The following HBM variants were observed in gnomAD, a reference collection of about 807,000 sequenced individuals.
The protein encoded by HBM is alpha globin pseudogene 2.
In HBM, 9 loss-of-function variants were observed where a neutral mutation model predicts 12.8. The ratio of observed to expected loss-of-function variants is 0.70; its 90% CI spans 0.42 to 1.23. HBM has a LOEUF of 1.23. Among genes scored for constraint, HBM ranks in the 50% most tolerant of loss-of-function variants. The pLI is 0.00. For missense variants in HBM, 214 were observed against 195.4 expected, an observed-to-expected ratio of 1.10 and a Z score of -0.57; for synonymous variants, 100 against 92.0, an observed-to-expected ratio of 1.09 and a Z score of -0.50.
chr16:166,304 C>T lies in HBM; in HGVS notation c.129C>T (p.Phe43=). ...TGTACCCCAGCACCAAGGTCTACTT[C>T]CCGCACCTGAGCGCCTGCCAGGACG... ...FTVYPSTKVY[F]PHLSACQDAT... is the part of the protein sequence containing the mutation. Residue 43 remains phenylalanine, a synonymous_variant, in exon 2 of 3, where the codon TTC becomes TTT. Transcript: ENST00000356815. 6.3e-7 allele frequency: 1 copy of T among 1,595,796 alleles called. No homozygotes were observed.
intron 1 of HBM, 58 bp downstream of exon 1, chr16:166,147 C>T: frequency 6.7e-7 from 1 of 1,489,446 alleles, no homozygotes; most frequent in Non-Finnish European, 9.1e-7. Context: ...GTTTTGGGCG[C>T]GTGGGCCGCC....
At chr16:166,147 C>A in intron 1 of HBM, 58 bp downstream of exon 1, 1 of 1,489,440 alleles carries the variant, frequency 6.7e-7, no homozygotes, top group Non-Finnish European at 9.1e-7. Context: ...GTTTTGGGCG[C>A]GTGGGCCGCC....
chr16:166,601 G>C lies in HBM; in HGVS notation c.319G>C (p.Val107Leu). 1 of 1,613,848 alleles carries C rather than the reference G, an allele frequency of 6.2e-7. No individual in the cohort carries two copies. Among genetic ancestry groups the C allele is most frequent in the Non-Finnish European group, 8.5e-7 (1 of 1,179,924 alleles). The change falls in exon 3 of 3, where the codon GTC becomes CTC. Residue 107 changes from valine to leucine, a missense_variant. Transcript: ENST00000356815. ...GCAGCTGCTAATCCAGTGTTTCCAC[G>C]TCGTGCTGGCCTCCCACCTGCAGGA... The part of the protein sequence containing the change: ...NFPLLIQCFH[V>L]VLASHLQDEF...
In HBM at chr16:166,417, G is replaced by C; in HGVS notation, c.242G>C (p.Ser81Thr). 5 of 1,554,782 alleles carry C rather than the reference G, an allele frequency of 3.2e-6. No individual in the cohort carries two copies. The change falls in exon 2 of 3, where the codon AGC becomes ACC. Residue 81 changes from serine to threonine, a missense_variant. Coordinates refer to ENST00000356815, the MANE Select transcript of HBM (RefSeq NM_001003938.4). ...QHVDNLRAAL[S>T]PLADLHALVL... ...GTGGACAACCTGCGCGCCGCGCTGA[G>C]CCCGCTGGCGGACCTGCACGCGCTC...
rs1022010740 is a variant in HBM at position 166,750 on chromosome 16, C to G, written c.*42C>G. ...GCCTTGGTCTGTGCCTGTCAATAAA[C>G]AGAGGCCCGAACCATCTGCCCCTGC... is the stretch of plus-strand genomic sequence containing the variant. On this transcript the variant is annotated 3_prime_UTR_variant, in exon 3 of 3. Transcript: ENST00000356815. 4 of 1,608,288 alleles carry G rather than the reference C, an allele frequency of 2.5e-6. No homozygotes were observed. Among genetic ancestry groups the G allele is most frequent in the South Asian group, 2.2e-5 (2 of 90,158 alleles).
Position 166,694 on chromosome 16 carries a change from G to T in HBM, c.412G>T (p.Glu138Ter). The T allele has an allele frequency of 6.2e-7, 1 of 1,614,080 alleles. No individual in the cohort carries two copies. The change falls in exon 3 of 3, where the codon GAA becomes TAA. Residue 138 changes from glutamate to a stop codon, truncating the protein, a stop_gained. Transcript: ENST00000356815. LOFTEE classifies it high-confidence loss of function. ...GACTGGTGTGGCCGTGGTGCTGACC[G>T]AAAAATACCGCTGAGCCCTGTGCTG... ...FLTGVAVVLT[E>*]KYR
In HBM at chr16:166,306, C is replaced by G; in HGVS notation, c.131C>G (p.Pro44Arg). Residue 44 changes from proline to arginine, a missense_variant, in exon 2 of 3, where the codon CCG (proline) becomes CGG (arginine). By Grantham distance (103) the Pro-to-Arg change is moderately radical. Coordinates refer to ENST00000356815, the MANE Select transcript of HBM (RefSeq NM_001003938.4). ...TACCCCAGCACCAAGGTCTACTTCC[C>G]GCACCTGAGCGCCTGCCAGGACGCG... ...TVYPSTKVYF[P>R]HLSACQDATQ... is the part of the protein sequence containing the mutation. 1 of 1,595,528 alleles carries G rather than the reference C, an allele frequency of 6.3e-7. No homozygotes were observed. The highest frequency in any genetic ancestry group is 8.5e-7 in the Non-Finnish European group (1 of 1,178,724).
chr16:166,543 G>C (rs745757790), intron 2 of HBM, 37 bp from the exon 3 acceptor site: 1 of 1,604,760 alleles, frequency 6.2e-7, no homozygotes, highest in South Asian at 1.1e-5. Context: ...GGTCCCTAGC[G>C]GGGCAGACCC....
Position 166,012 on chromosome 16 carries a change from G to A in HBM, c.15G>A (p.Gln5=), listed in dbSNP as rs759235420. 8.2e-6 allele frequency: 13 copies of A among 1,590,148 alleles called. No individual in the cohort carries two copies. In the South Asian group the frequency reaches 1.5e-4, roughly 18 times the overall value. MLSA[Q]ERAQIAQVWD... ...CAGGCGGCGCCATGCTCAGCGCCCA[G>A]GAGCGCGCCCAAATCGCGCAGGTCT... is the stretch of plus-strand genomic sequence containing the variant. Residue 5 remains glutamine (Q), a synonymous_variant, in exon 1 of 3, where the codon CAG becomes CAA. Coordinates refer to ENST00000356815, the MANE Select transcript of HBM (RefSeq NM_001003938.4).
chr16:166,350 G>T lies in HBM; in HGVS notation c.175G>T (p.Gly59Trp), dbSNP rs750993297. 79 of 1,592,774 alleles carry T rather than the reference G, an allele frequency of 5.0e-5. No individual in the cohort carries two copies. Among genetic ancestry groups the T allele is most frequent in the Non-Finnish European group, 6.5e-5 (76 of 1,177,546 alleles). ...CQDATQLLSHGQRMLAAVGAA... is the reference protein window; with the variant it reads ...CQDATQLLSHWQRMLAAVGAA... ...GGACGCGACGCAGCTGCTGAGCCACGGGCAGCGCATGCTGGCGGCTGTGGG... is the reference window on the plus strand; with the variant it reads ...GGACGCGACGCAGCTGCTGAGCCACTGGCAGCGCATGCTGGCGGCTGTGGG... Residue 59 changes from glycine (G) to tryptophan (W), a missense_variant, in exon 2 of 3, where the codon GGG (glycine) becomes TGG (tryptophan). Gly to Trp is a radical substitution (Grantham distance 184, BLOSUM62 -2). Coordinates refer to ENST00000356815, the MANE Select transcript of HBM (RefSeq NM_001003938.4).
At position 166,400 on chromosome 16, in the gene HBM, C is replaced by A. The variant is rs767687114; in HGVS notation, c.225C>A (p.Asn75Lys). 2 of 1,565,372 alleles carry A rather than the reference C, an allele frequency of 1.3e-6. No homozygotes were observed. Among genetic ancestry groups the A allele is most frequent in the Non-Finnish European group, 1.7e-6 (2 of 1,163,548 alleles). ...AVGAAVQHVD[N>K]LRAALSPLAD... ...GCGCGGCGGTGCAGCACGTGGACAA[C>A]CTGCGCGCCGCGCTGAGCCCGCTGG... Residue 75 changes from asparagine (N) to lysine (K), a missense_variant, in exon 2 of 3, where the codon AAC becomes AAA. Coordinates refer to ENST00000356815, the MANE Select transcript of HBM (RefSeq NM_001003938.4).
intron 1 of HBM, 67 bp downstream of exon 1, chr16:166,156 C>A: frequency 6.8e-7 from 1 of 1,471,492 alleles, no homozygotes; most frequent in Non-Finnish European, 9.2e-7. Flanking sequence ...GCGTGGGCCG[C>A]CAACGCCATC....
chr16:166,055 C>A lies in HBM; in HGVS notation c.58C>A (p.His20Asn). 6.2e-7 allele frequency: 1 copy of A among 1,603,288 alleles called. No individual in the cohort carries two copies. The highest frequency in any genetic ancestry group is 8.5e-7 in the Non-Finnish European group (1 of 1,176,258). ...IAQVWDLIAG[H>N]EAQFGAELLL... ...GCAGGTCTGGGACCTGATTGCGGGCCACGAGGCGCAATTCGGGGCGGAGCT... is the reference window on the plus strand; with the variant it reads ...GCAGGTCTGGGACCTGATTGCGGGCAACGAGGCGCAATTCGGGGCGGAGCT... Residue 20 changes from histidine to asparagine, a missense_variant, in exon 1 of 3, where the codon CAC becomes AAC. Transcript: ENST00000356815.
rs536488812 is a variant in HBM at position 166,059 on chromosome 16, A to G, written c.62A>G (p.Glu21Gly). The stretch of plus-strand genomic sequence containing the variant: ...GTCTGGGACCTGATTGCGGGCCACG[A>G]GGCGCAATTCGGGGCGGAGCTGCTG... The part of the protein sequence containing the change: ...AQVWDLIAGH[E>G]AQFGAELLLR... The change falls in exon 1 of 3, where the codon GAG (glutamate) becomes GGG (glycine). Residue 21 changes from glutamate (E) to glycine (G), a missense_variant. Physicochemically the swap from Glu to Gly is moderately conservative, Grantham distance 98. Transcript: ENST00000356815. 4 of 1,603,744 alleles carry G rather than the reference A, an allele frequency of 2.5e-6. No homozygotes were observed. The African/African-American group carries it at 4.0e-5, about 16-fold the overall frequency.
intron 2 of HBM, 26 bp from the exon 3 acceptor site, chr16:166,554 C>T (rs1016763664): frequency 3.2e-5 from 51 of 1,608,846 alleles, no homozygotes; most frequent in Non-Finnish European, 4.2e-5. Context: ...GGGCAGACCC[C>T]GTCTCACCGG....
chr16:166,093 G>C lies in HBM; in HGVS notation c.92+4G>C. On this transcript the variant is annotated splice_donor_region_variant and intron_variant, in intron 1 of 2. Coordinates refer to ENST00000356815, the MANE Select transcript of HBM (RefSeq NM_001003938.4). ...TCGGGGCGGAGCTGCTGCTCAGGTC[G>C]GTAGAGGCGGGGTCTCCGGGAGCTC... 6.3e-7 allele frequency: 1 copy of C among 1,595,354 alleles called. No individual in the cohort carries two copies. Among genetic ancestry groups the C allele is most frequent in the Non-Finnish European group, 8.5e-7 (1 of 1,169,772 alleles).
At position 166,019 on chromosome 16, in the gene HBM, G is replaced by C. The variant is rs1180772469; in HGVS notation, c.22G>C (p.Ala8Pro). Residue 8 changes from alanine (A) to proline (P), a missense_variant, in exon 1 of 3, where the codon GCC becomes CCC. Transcript: ENST00000356815. MLSAQER[A>P]QIAQVWDLIA... Reference sequence around the variant, plus strand: ...CGCCATGCTCAGCGCCCAGGAGCGCGCCCAAATCGCGCAGGTCTGGGACCT... The same window carrying C: ...CGCCATGCTCAGCGCCCAGGAGCGCCCCCAAATCGCGCAGGTCTGGGACCT... 6.3e-7 allele frequency: 1 copy of C among 1,593,128 alleles called. No homozygotes were observed. Among genetic ancestry groups the C allele is most frequent in the South Asian group, 1.1e-5 (1 of 89,068 alleles).
At chr16:166,203 G>A in intron 1 of HBM, 65 bp from the exon 2 acceptor site, 3 of 1,485,010 alleles carry the variant, frequency 2.0e-6, no homozygotes. Flanking sequence ...GGCTCTGGGC[G>A]GTGTGGGCGC....
Position 166,254 on chromosome 16 carries a change from A to C in HBM, c.93-14A>C, listed in dbSNP as rs781768570. The C allele has an allele frequency of 1.5e-5, 24 of 1,585,596 alleles. No homozygotes were observed. Among genetic ancestry groups the C allele is most frequent in the Non-Finnish European group, 2.0e-5 (23 of 1,173,116 alleles). ...CAGCCGCCCTCCTCCCCGGTCACTGACCTGGTCCTGCAGGCTCTTCACGGT... is the reference window on the plus strand; with the variant it reads ...CAGCCGCCCTCCTCCCCGGTCACTGCCCTGGTCCTGCAGGCTCTTCACGGT... On this transcript the variant is annotated splice_polypyrimidine_tract_variant and intron_variant, in intron 1 of 2. Transcript: ENST00000356815.
Sources: allele counts gnomAD v4.1 joint callset, GRCh38; gene constraint gnomAD v4.1.1; transcripts MANE v1.5; gene names NCBI Gene and HGNC (gene_info 2026-07-23, HGNC 2026-07-21).